The following FAM171A1 variants were observed in gnomAD, a reference collection of about 807,000 sequenced individuals.
FAM171A1 encodes the protein protein FAM171A1.
A neutral mutation model predicts 74.9 loss-of-function variants in FAM171A1; 23 were observed. That is an observed-to-expected ratio of 0.31 (90% CI 0.22 to 0.44). FAM171A1 has a LOEUF of 0.44. FAM171A1 is among the 20% of genes least tolerant of loss of function. The pLI, the probability that FAM171A1 is intolerant of heterozygous loss-of-function variation, is 1.00. For synonymous variants in FAM171A1, 527 were observed against 505.7 expected (o/e 1.04, Z -0.57); for missense variants, 1,162 against 1,159.2 (o/e 1.00, Z -0.03).
At chr10:15,294,384 G>A (rs991722345) in intron 1 of FAM171A1, among the ~76,000 whole-genome samples, 10 of 152,102 alleles carry the variant, frequency 6.6e-5, no homozygotes, top group Non-Finnish European at 1.2e-4. Flanking sequence ...CGTGGACCCC[G>A]GGAGTGTGTG....
intron 1 of FAM171A1, among the ~76,000 whole-genome samples, chr10:15,330,496 T>C (rs547418038): frequency 1.3e-5 from 2 of 152,266 alleles, no homozygotes; most frequent in South Asian, 2.1e-4. Flanking sequence ...TCAGATTTCA[T>C]AGATTAGCAC....
chr10:15,220,896 G>T (rs763265387), intron 6 of FAM171A1, 48 bp downstream of exon 6: 2 of 1,437,342 alleles, frequency 1.4e-6, no homozygotes, highest in Non-Finnish European at 1.9e-6. Context: ...AACCCTCAAA[G>T]ACCAAAGCAA....
At chr10:15,288,304 G>C (rs566374030) in intron 1 of FAM171A1, among the ~76,000 whole-genome samples, 2 of 152,056 alleles carry the variant, frequency 1.3e-5, no homozygotes, top group South Asian at 2.1e-4. Context: ...TGGATAAAAT[G>C]GTAGTCCTTT....
At chr10:15,310,894 C>T (rs1295902805) in intron 1 of FAM171A1, among the ~76,000 whole-genome samples, 1 of 152,052 alleles carries the variant, frequency 6.6e-6, no homozygotes, top group East Asian at 1.9e-4. Context: ...CCCTTTCCAT[C>T]TCTCTGTACC....
chr10:15,352,996 G>A (rs1297772454), intron 1 of FAM171A1, among the ~76,000 whole-genome samples: 1 of 152,228 alleles, frequency 6.6e-6, no homozygotes, highest in African/African-American at 2.4e-5. Context: ...GGCCTGGATA[G>A]CAAAGCCGCA....
At chr10:15,369,207 AT>A (rs1836102673) in intron 1 of FAM171A1, among the ~76,000 whole-genome samples, 1 of 148,208 alleles carries the variant, frequency 6.7e-6, no homozygotes, top group African/African-American at 2.5e-5. Flanking sequence ...TGTTATATAT[AT>A]ATTGAATATA....
At chr10:15,290,154 G>C (rs1315212505) in intron 1 of FAM171A1, among the ~76,000 whole-genome samples, 1 of 151,984 alleles carries the variant, frequency 6.6e-6, no homozygotes, top group Non-Finnish European at 1.5e-5. Flanking sequence ...CTTGAACCCA[G>C]GAGGCAGAGG....
At chr10:15,285,153 G>A (rs992794990) in intron 1 of FAM171A1, among the ~76,000 whole-genome samples, 9 of 152,120 alleles carry the variant, frequency 5.9e-5, no homozygotes, top group African/African-American at 1.9e-4. Flanking sequence ...GAGAGGATGC[G>A]TGAGTAAACA....
intron 1 of FAM171A1, among the ~76,000 whole-genome samples, chr10:15,335,383 G>A (rs1011039413): frequency 4.6e-5 from 7 of 152,174 alleles, no homozygotes; most frequent in African/African-American, 1.7e-4. Flanking sequence ...TACTTTGTAA[G>A]AAGAAATATA....
At chr10:15,265,630 G>A (rs1480870292) in intron 3 of FAM171A1, among the ~76,000 whole-genome samples, 3 of 146,286 alleles carry the variant, frequency 2.1e-5, no homozygotes, top group Non-Finnish European at 3.0e-5. Context: ...AGTCTATGTA[G>A]GAAGTACAAA....
chr10:15,342,630 C>T lies in FAM171A1; in HGVS notation c.97+28326G>A, dbSNP rs11259616. ...GTTGCTGCAACAGGCTTCTGTCAGCCGGTGCTTATACCTAATTGGATTCAA... is the reference window on the plus strand; with the variant it reads ...GTTGCTGCAACAGGCTTCTGTCAGCTGGTGCTTATACCTAATTGGATTCAA... On this transcript the variant is annotated intron_variant, in intron 1 of 7. Coordinates refer to ENST00000378116, the MANE Select transcript of FAM171A1 (RefSeq NM_001010924.2). Among the ~76,000 whole-genome samples the T allele has an allele frequency of 5.2e-3, 785 of 152,200 alleles. 8 individuals carry two copies. Among genetic ancestry groups the T allele is most frequent in the African/African-American group, 0.017 (726 of 41,542 alleles).
At position 15,273,376 on chromosome 10, in the gene FAM171A1, G is replaced by A. The variant is rs1295263601; in HGVS notation, c.418+2479C>T. 2.0e-5 allele frequency among the ~76,000 whole-genome samples: 3 copies of A among 152,246 alleles called. No homozygotes were observed. In the East Asian group the frequency reaches 5.8e-4, roughly 29 times the overall value. On this transcript the variant is annotated intron_variant, in intron 3 of 7. Coordinates refer to ENST00000378116, the MANE Select transcript of FAM171A1 (RefSeq NM_001010924.2). Reference sequence around the variant, plus strand: ...GAATCCCTGAATAGACAAATAACAGGCTCTGAAACTGAGGCAATAATTAAC... The same window carrying A: ...GAATCCCTGAATAGACAAATAACAGACTCTGAAACTGAGGCAATAATTAAC...
At chr10:15,271,706 G>A (rs1834827347) in intron 3 of FAM171A1, among the ~76,000 whole-genome samples, 1 of 152,180 alleles carries the variant, frequency 6.6e-6, no homozygotes, top group African/African-American at 2.4e-5. Flanking sequence ...TTACAAGCCA[G>A]AAGACAGAGT....
intron 1 of FAM171A1, among the ~76,000 whole-genome samples, chr10:15,344,165 G>A (rs1175373138): frequency 6.6e-6 from 1 of 152,166 alleles, no homozygotes; most frequent in African/African-American, 2.4e-5. Context: ...GTTTAGGGTT[G>A]AGAAGTTTGC....
chr10:15,248,746 G>A lies in FAM171A1; in HGVS notation c.647C>T (p.Thr216Met), dbSNP rs200087489. ...GATGGGACCATCCACCAGCACCGGC[G>A]TTCCATTACTGCTCAGCAAGTGGAC... ...VSVHLLSSNG[T>M]PVLVDGPIYV... Residue 216 changes from threonine to methionine, a missense_variant, in exon 5 of 8, where the codon ACG (threonine) becomes ATG (methionine). By Grantham distance (81) the Thr-to-Met change is moderately conservative. Coordinates refer to ENST00000378116, the MANE Select transcript of FAM171A1 (RefSeq NM_001010924.2). 53 of 1,613,754 alleles carry A rather than the reference G, an allele frequency of 3.3e-5. No individual in the cohort carries two copies. In the South Asian group the frequency reaches 3.3e-4, roughly 10 times the overall value.
At chr10:15,294,976 C>T (rs1286084486) in intron 1 of FAM171A1, among the ~76,000 whole-genome samples, 8 of 152,118 alleles carry the variant, frequency 5.3e-5, no homozygotes, top group Non-Finnish European at 7.4e-5. Context: ...AGTGCAGTGG[C>T]GCGATCTCGG....
intron 1 of FAM171A1, among the ~76,000 whole-genome samples, chr10:15,342,141 C>T (rs11259614): frequency 3.9e-5 from 6 of 152,122 alleles, no homozygotes; most frequent in African/African-American, 4.8e-5. Flanking sequence ...AAGCAATCTA[C>T]GGGCAAGCCA....
intron 5 of FAM171A1, among the ~76,000 whole-genome samples, chr10:15,227,302 G>C (rs1834121722): frequency 1.3e-5 from 2 of 152,070 alleles, no homozygotes; most frequent in South Asian, 4.1e-4. Flanking sequence ...CACCCGGCCG[G>C]AACAGTGATA....
chr10:15,289,296 C>T (rs1414618495), intron 1 of FAM171A1, among the ~76,000 whole-genome samples: 1 of 152,084 alleles, frequency 6.6e-6, no homozygotes, highest in African/African-American at 2.4e-5. Flanking sequence ...ATAGGAAGAC[C>T]CCATAAACGG....
Sources: allele counts gnomAD v4.1 joint callset (sites outside exome capture counted in the v4.1 genomes callset), GRCh38; gene constraint gnomAD v4.1.1; transcripts MANE v1.5; gene names NCBI Gene and HGNC (gene_info 2026-07-23, HGNC 2026-07-21).